The following ZSCAN31 variants were observed in gnomAD, a reference collection of about 807,000 sequenced individuals.
ZSCAN31 encodes zinc finger and SCAN domain containing 31.
ZSCAN31 carries 14 observed loss-of-function variants against 22.5 expected under a neutral mutation model. The observed-to-expected ratio is 0.62, with a 90% confidence interval of 0.41 to 0.97. The LOEUF is 0.97. ZSCAN31 is among the 50% of genes least tolerant of loss of function. The pLI, the probability that ZSCAN31 is intolerant of heterozygous loss-of-function variation, is 0.00. For synonymous variants in ZSCAN31, 168 were observed against 169.8 expected (o/e 0.99, Z 0.08); for missense variants, 424 against 483.4 (o/e 0.88, Z 1.15).
intron 2 of ZSCAN31, among the ~76,000 whole-genome samples, chr6:28,343,538 C>T (rs368240061): frequency 2.1e-4 from 27 of 130,158 alleles, no homozygotes; most frequent in Middle Eastern, 8.1e-3. Context: ...TTTTTTTTTT[C>T]TTTCTTTTTT....
chr6:28,350,404 TTTAAA>T (rs1481022269), intron 2 of ZSCAN31: 5 of 152,226 alleles, frequency 3.3e-5, no homozygotes, highest in Non-Finnish European at 5.9e-5. Flanking sequence ...TTTCAAGGTC[TTTAAA>T]TTATTCTGTG....
intron 2 of ZSCAN31, among the ~76,000 whole-genome samples, chr6:28,352,819 A>T (rs1177449995): frequency 1.3e-5 from 2 of 152,144 alleles, no homozygotes; most frequent in African/African-American, 4.8e-5. Context: ...GGCTTCTCTC[A>T]GTTTCCTAAT....
chr6:28,329,515 G>C lies in ZSCAN31; in HGVS notation c.169C>G (p.Leu57Val). 6.2e-7 allele frequency: 1 copy of C among 1,614,224 alleles called. No individual in the cohort carries two copies. The highest frequency in any genetic ancestry group is 8.5e-7 in the Non-Finnish European group (1 of 1,180,046). ...YQETPGPREA[L>V]SRLRELCHQW... Reference sequence around the variant, plus strand: ...TGACAGAGTTCTCGGAGCCGGCTCAGAGCTTCTCGGGGACCAGGAGTCTCT... The same window carrying C: ...TGACAGAGTTCTCGGAGCCGGCTCACAGCTTCTCGGGGACCAGGAGTCTCT... Residue 57 changes from leucine to valine, a missense_variant, in exon 2 of 4, where the codon CTG becomes GTG. Coordinates refer to ENST00000344279, the MANE Select transcript of ZSCAN31 (RefSeq NM_030899.5).
chr6:28,326,271 G>T lies in ZSCAN31; in HGVS notation c.1116C>A (p.Val372=). 1 of 1,614,164 alleles carries T rather than the reference G, an allele frequency of 6.2e-7. No homozygotes were observed. The highest frequency in any genetic ancestry group is 1.1e-5 in the South Asian group (1 of 91,076). Residue 372 remains valine, a synonymous_variant, in exon 4 of 4, where the codon GTC becomes GTA. Coordinates refer to ENST00000344279, the MANE Select transcript of ZSCAN31 (RefSeq NM_030899.5). ...QNAGLFQHLR[V]HTGEKPYQCS... ...ACTGATAGGGTTTCTCACCAGTGTG[G>T]ACTCGGAGATGCTGGAAAAGCCCTG...
chr6:28,353,200 C>T (rs1487637791), intron 2 of ZSCAN31: 1 of 152,704 alleles, frequency 6.5e-6, no homozygotes, highest in African/African-American at 2.4e-5. Context: ...ATCTCTTGAC[C>T]TCATGATGTG....
chr6:28,343,675 A>T (rs1189398016), intron 2 of ZSCAN31, among the ~76,000 whole-genome samples: 2 of 148,576 alleles, frequency 1.3e-5, no homozygotes, highest in African/African-American at 2.5e-5. Context: ...ACAGGCGCCC[A>T]CCACCATGCC....
Position 28,329,638 on chromosome 6 carries a change from C to T in ZSCAN31, c.46G>A (p.Glu16Lys), listed in dbSNP as rs547896528. 6.2e-7 allele frequency: 1 copy of T among 1,614,124 alleles called. No homozygotes were observed. Among genetic ancestry groups the T allele is most frequent in the South Asian group, 1.1e-5 (1 of 91,080 alleles). Residue 16 changes from glutamate to lysine, a missense_variant, in exon 2 of 4, where the codon GAG becomes AAG. Glu to Lys is a moderately conservative substitution (Grantham distance 56, BLOSUM62 1). Coordinates refer to ENST00000344279, the MANE Select transcript of ZSCAN31 (RefSeq NM_030899.5). ...TCTTGGTCCCAGATAGGGTCTTCCT[C>T]CACTTTCACAATCTTAAGATCGTAC... is the stretch of plus-strand genomic sequence containing the variant. ...EQYDLKIVKV[E>K]EDPIWDQETH...
intron 2 of ZSCAN31, among the ~76,000 whole-genome samples, chr6:28,353,005 C>T (rs1765159424): frequency 6.7e-6 from 1 of 148,706 alleles, no homozygotes; most frequent in African/African-American, 2.5e-5. Context: ...GCTCTGTTGC[C>T]AGGCTGGAGT....
rs1228939397 is a variant in ZSCAN31 at position 28,331,559 on chromosome 6, T to C, written c.-95-1781A>G. 2.0e-5 allele frequency among the ~76,000 whole-genome samples: 3 copies of C among 152,338 alleles called. No homozygotes were observed. The East Asian group carries it at 5.8e-4, about 29-fold the overall frequency. ...AGAATTTGAAGAGTTACAAAGATCA[T>C]GGCATTTATTCTTTGTCAATGTCTA... On this transcript the variant is annotated intron_variant, in intron 1 of 3. Coordinates refer to ENST00000344279, the MANE Select transcript of ZSCAN31 (RefSeq NM_030899.5). The surrounding 1 kb of genome is among the most constrained non-coding windows in gnomAD (Gnocchi z 4.8).
chr6:28,354,076 C>T, intron 1 of ZSCAN31: 2 of 405,734 alleles, frequency 4.9e-6, no homozygotes, highest in South Asian at 3.6e-5. Context: ...GTGGCTCCTG[C>T]CGCTCCCACA....
intron 2 of ZSCAN31, chr6:28,350,276 G>T (rs1317639012): frequency 6.6e-6 from 1 of 152,244 alleles, no homozygotes; most frequent in Non-Finnish European, 1.5e-5. Flanking sequence ...GTTTAGGGCC[G>T]TTACCGAGTG....
intron 2 of ZSCAN31, among the ~76,000 whole-genome samples, chr6:28,328,662 T>C (rs984590267): frequency 2.0e-5 from 3 of 152,136 alleles, no homozygotes; most frequent in Non-Finnish European, 4.4e-5. Context: ...CCTGAGGCAA[T>C]ATACATCCTC....
At chr6:28,327,655 G>T in intron 2 of ZSCAN31, 122 bp from the exon 3 acceptor site, 1 of 1,157,042 alleles carries the variant, frequency 8.6e-7, no homozygotes, top group South Asian at 1.5e-5. Flanking sequence ...ACAGTGGAAG[G>T]ACCAGAGTTT....
chr6:28,354,050 C>G (rs1291902532), intron 1 of ZSCAN31: 1 of 427,914 alleles, frequency 2.3e-6, no homozygotes, highest in Non-Finnish European at 4.7e-6. Context: ...CGCAGCCCTT[C>G]TCAGCAAACG....
chr6:28,345,103 C>T (rs1016482327), intron 2 of ZSCAN31, among the ~76,000 whole-genome samples: 2 of 147,016 alleles, frequency 1.4e-5, no homozygotes, highest in African/African-American at 5.1e-5. Flanking sequence ...TGAGATTGCA[C>T]CATTGCACTC....
At chr6:28,352,288 G>C (rs1581715059) in intron 2 of ZSCAN31, among the ~76,000 whole-genome samples, 1 of 152,176 alleles carries the variant, frequency 6.6e-6, no homozygotes, top group South Asian at 2.1e-4. Flanking sequence ...TGTATTAAAA[G>C]TCCCACCCCC....
At chr6:28,350,854 A>C (rs1379206742) in intron 2 of ZSCAN31, among the ~76,000 whole-genome samples, 1 of 152,140 alleles carries the variant, frequency 6.6e-6, no homozygotes, top group East Asian at 1.9e-4. Context: ...TGATACTCAA[A>C]CTCTCAAAGG....
At chr6:28,344,437 A>C (rs541668985) in intron 2 of ZSCAN31, among the ~76,000 whole-genome samples, 20 of 152,286 alleles carry the variant, frequency 1.3e-4, no homozygotes, top group African/African-American at 4.8e-4. Flanking sequence ...AGGACAGATA[A>C]GCTTTCTGAG....
intron 1 of ZSCAN31, 75 bp from the exon 2 acceptor site, chr6:28,329,853 G>A: frequency 2.9e-6 from 2 of 687,388 alleles, no homozygotes; most frequent in Non-Finnish European, 4.7e-6. Context: ...ATGGAAACAT[G>A]AATGGTATTC....
Sources: gnomAD v4.1 joint callset for allele counts (sites outside exome capture counted in the v4.1 genomes callset) on GRCh38, gnomAD v4.1.1 for gene constraint, Gnocchi (gnomAD v3.1) non-coding constraint, MANE v1.5 for transcripts, NCBI Gene and HGNC (gene_info 2026-07-23, HGNC 2026-07-21) for gene names.